APLF: variants seen among roughly 807,000 people sequenced by gnomAD.
APLF encodes aprataxin and PNKP like factor, also known as aprataxin and PNK-like factor.
Under a neutral mutation model 55.6 loss-of-function variants are expected in APLF, and 61 were observed. The observed-to-expected ratio is 1.10, with a 90% CI of 0.89 to 1.36. The LOEUF is 1.36. Ranked by LOEUF, APLF falls within the 40% of genes most tolerant of loss-of-function variation. The pLI is 0.00. For missense variants in APLF, 611 were observed against 602.5 expected (o/e 1.01, Z -0.15); for synonymous variants, 207 against 214.8 (o/e 0.96, Z 0.32).
intron 9 of APLF, among the ~76,000 whole-genome samples, chr2:68,576,752 T>A (rs1436477063): frequency 6.6e-6 from 1 of 152,180 alleles, no homozygotes; most frequent in Non-Finnish European, 1.5e-5. Context: ...ACTTTATTTT[T>A]AAAATTATAA....
intron 5 of APLF, among the ~76,000 whole-genome samples, chr2:68,525,742 C>CTTTCTTTTTTTTT (rs1670022603): frequency 1.2e-4 from 10 of 82,032 alleles, no homozygotes; most frequent in African/African-American, 5.6e-4. Context: ...TTCTTTCTTT[C>CTTTCTTTTTTTTT]TTTTTTTTTT....
At chr2:68,534,564 A>T (rs1460360347) in intron 6 of APLF, among the ~76,000 whole-genome samples, 1 of 152,106 alleles carries the variant, frequency 6.6e-6, no homozygotes, top group Non-Finnish European at 1.5e-5. Context: ...TAGCCTTAAT[A>T]ATACATTCCC....
At position 68,579,388 on chromosome 2, in the gene APLF, T is replaced by C; in HGVS notation, c.*1366T>C. On this transcript the variant is annotated 3_prime_UTR_variant, in exon 10 of 10. Transcript: ENST00000303795. ...ATCTACGAATGTAATATTTAACTTA[T>C]TCTCATCCCTGCCACTAACTTAATC... 3.1e-6 allele frequency: 3 copies of C among 980,696 alleles called. No homozygotes were observed. Among genetic ancestry groups the C allele is most frequent in the Non-Finnish European group, 3.6e-6 (3 of 825,566 alleles). The allele number at this position is 980,696 out of a possible 1,614,324, so 60.7% of individuals were successfully genotyped here. A position where few individuals can be genotyped will look rare whatever the true frequency, so the allele number is the denominator to read the frequency against.
In APLF at chr2:68,537,868, A is replaced by G. The variant is rs1670439630; in HGVS notation, c.805-4A>G. 2.6e-6 allele frequency: 4 copies of G among 1,537,472 alleles called. No individual in the cohort carries two copies. Among genetic ancestry groups the G allele is most frequent in the Non-Finnish European group, 3.5e-6 (4 of 1,137,784 alleles). On this transcript the variant is annotated splice_region_variant and splice_polypyrimidine_tract_variant and intron_variant, in intron 6 of 9. Coordinates refer to ENST00000303795, the MANE Select transcript of APLF (RefSeq NM_173545.3). ...TTCTGATGTTTTTCATATTTGTTTT[A>G]CAGGAAATGCCACAATCATTTTCTG...
intron 6 of APLF, 53 bp from the exon 7 acceptor site, chr2:68,537,819 T>C (rs1670438073): frequency 2.2e-6 from 3 of 1,337,830 alleles, no homozygotes; most frequent in Non-Finnish European, 3.1e-6. Context: ...TATGCTCATA[T>C]CTTTTTAAAA....
intron 8 of APLF, among the ~76,000 whole-genome samples, chr2:68,554,525 C>G (rs1558552037): frequency 6.6e-6 from 1 of 152,096 alleles, no homozygotes; most frequent in East Asian, 1.9e-4. Context: ...TTCTACCTAT[C>G]CATGAACGTG....
intron 2 of APLF, 33 bp from the exon 3 acceptor site, chr2:68,502,698 T>C (rs769529911): frequency 1.6e-6 from 2 of 1,246,610 alleles, no homozygotes; most frequent in Non-Finnish European, 2.1e-6. Flanking sequence ...TATTCTTTTT[T>C]AAATTTAATT....
intron 5 of APLF, among the ~76,000 whole-genome samples, chr2:68,519,705 T>C (rs1054154073): frequency 4.0e-5 from 6 of 151,044 alleles, no homozygotes; most frequent in Non-Finnish European, 5.9e-5. Flanking sequence ...AGTTTCTTTA[T>C]CTACTCATTG....
At chr2:68,577,790 T>G in intron 9 of APLF, 30 bp from the exon 10 acceptor site, 1 of 1,607,308 alleles carries the variant, frequency 6.2e-7, no homozygotes, top group Non-Finnish European at 8.5e-7. Flanking sequence ...TGGTGATTGA[T>G]GTGTTGTGTA....
At chr2:68,577,489 A>G (rs187071993) in intron 9 of APLF, among the ~76,000 whole-genome samples, 2 of 152,326 alleles carry the variant, frequency 1.3e-5, no homozygotes, top group Admixed American at 6.5e-5. Flanking sequence ...AGGAAGTATA[A>G]TCATATCACA....
chr2:68,528,970 C>G, intron 6 of APLF: 1 of 1,527,232 alleles, frequency 6.5e-7, no homozygotes, highest in Non-Finnish European at 8.8e-7. Context: ...GGGTCTGTAC[C>G]TGGTCTTTCA....
Position 68,467,595 on chromosome 2 carries a change from G to A in APLF, c.-137G>A. Reference sequence around the variant, plus strand: ...CTGGGGCCGGGCTCTGAGAGGACCGGCGCAGCCGCGGGGAGCCTTTGAGGC... The same window carrying A: ...CTGGGGCCGGGCTCTGAGAGGACCGACGCAGCCGCGGGGAGCCTTTGAGGC... On this transcript the variant is annotated 5_prime_UTR_variant, in exon 1 of 10. Coordinates refer to ENST00000303795, the MANE Select transcript of APLF (RefSeq NM_173545.3). 2 of 637,980 alleles carry A rather than the reference G, an allele frequency of 3.1e-6. No homozygotes were observed. Among genetic ancestry groups the A allele is most frequent in the Non-Finnish European group, 4.5e-6 (2 of 444,434 alleles). 39.5% of individuals were successfully genotyped at this position (637,980 alleles called of 1,614,324 possible).
intron 1 of APLF, among the ~76,000 whole-genome samples, chr2:68,480,307 T>C (rs562679221): frequency 3.2e-4 from 49 of 151,180 alleles, no homozygotes; most frequent in African/African-American, 1.2e-3. Context: ...TTTTCCTTTT[T>C]TTTTTTTTGT....
intron 8 of APLF, among the ~76,000 whole-genome samples, chr2:68,546,767 AAG>A (rs1325834924): frequency 6.6e-6 from 1 of 151,198 alleles, no homozygotes; most frequent in East Asian, 1.9e-4. Flanking sequence ...TAATATCAAA[AAG>A]AATATCTACA....
chr2:68,479,013 G>C, intron 1 of APLF, among the ~76,000 whole-genome samples: 1 of 152,184 alleles, frequency 6.6e-6, no homozygotes, highest in Non-Finnish European at 1.5e-5. Flanking sequence ...TTGCCAGTAA[G>C]AGACTGCCTT....
intron 1 of APLF, among the ~76,000 whole-genome samples, chr2:68,478,505 A>G (rs2103882929): frequency 6.6e-6 from 1 of 152,356 alleles, no homozygotes; most frequent in South Asian, 2.1e-4. Context: ...AAGGGAGGGT[A>G]AAAGATCTAA....
At chr2:68,515,043 C>T (rs78649459) in intron 5 of APLF, among the ~76,000 whole-genome samples, 126 of 151,772 alleles carry the variant, frequency 8.3e-4, no homozygotes, top group African/African-American at 3.0e-3. Context: ...GTATTCTGCA[C>T]AGTGGTCATA....
At position 68,502,892 on chromosome 2, in the gene APLF, A is replaced by T; in HGVS notation, c.330A>T (p.Gln110His). Residue 110 changes from glutamine (Q) to histidine (H), a missense_variant, in exon 3 of 10, where the codon CAA becomes CAT. Coordinates refer to ENST00000303795, the MANE Select transcript of APLF (RefSeq NM_173545.3). ...ILSIPSEVEM[Q>H]CTLRNSQVLD... ...CTATACCCTCTGAAGTGGAAATGCA[A>T]TGTACCTTAAGGTAAGTGCCTGATG... 1 of 1,602,746 alleles carries T rather than the reference A, an allele frequency of 6.2e-7. No homozygotes were observed. The highest frequency in any genetic ancestry group is 1.3e-5 in the African/African-American group (1 of 74,150).
chr2:68,556,796 T>C (rs557175127), intron 8 of APLF, among the ~76,000 whole-genome samples: 3 of 152,180 alleles, frequency 2.0e-5, no homozygotes, highest in Non-Finnish European at 4.4e-5. Context: ...AAAATTATAA[T>C]GTCTTCTGAG....
Sources: gnomAD v4.1 joint callset for allele counts (sites outside exome capture counted in the v4.1 genomes callset) on GRCh38, gnomAD v4.1.1 for gene constraint, MANE v1.5 for transcripts, NCBI Gene and HGNC (gene_info 2026-07-23, HGNC 2026-07-21) for gene names.